ZNG1E: variants seen among roughly 807,000 people sequenced by gnomAD.
The protein encoded by ZNG1E is Zn regulated GTPase metalloprotein activator 1E.
the ZNG1E span, among the ~76,000 whole-genome samples, chr9:65,710,411 A>G: frequency 6.7e-6 from 1 of 148,716 alleles, no homozygotes; most frequent in African/African-American, 2.5e-5. Flanking sequence ...TTGGTGTTTT[A>G]GACATGAAGT....
the ZNG1E span, chr9:65,708,452 T>G: frequency 4.3e-6 from 1 of 230,284 alleles, no homozygotes; most frequent in South Asian, 5.6e-5. Flanking sequence ...CCTAATATTT[T>G]GTACATTGGT....
At chr9:65,658,099 C>CAAAA in the ZNG1E span, among the ~76,000 whole-genome samples, 13 of 47,400 alleles carry the variant, frequency 2.7e-4, no homozygotes, top group South Asian at 6.0e-4. Context: ...AACTCCGTCT[C>CAAAA]AAAAAAAAAA....
At chr9:65,663,238 C>T in the ZNG1E span, among the ~76,000 whole-genome samples, 1 of 151,868 alleles carries the variant, frequency 6.6e-6, no homozygotes, top group Non-Finnish European at 1.5e-5. Context: ...AGGAATGTAA[C>T]CCTTAACTTT....
At chr9:65,661,890 T>G in the ZNG1E span, among the ~76,000 whole-genome samples, 1 of 152,254 alleles carries the variant, frequency 6.6e-6, no homozygotes, top group African/African-American at 2.4e-5. Flanking sequence ...CTTAAATGAG[T>G]GGCTAAGTTG....
At chr9:65,663,533 C>G in the ZNG1E span, among the ~76,000 whole-genome samples, 1 of 136,416 alleles carries the variant, frequency 7.3e-6, no homozygotes, top group Admixed American at 7.8e-5. Flanking sequence ...CAAAGCCTTG[C>G]TCTTCCATGG....
chr9:65,657,969 C>T, the ZNG1E span, among the ~76,000 whole-genome samples: 2 of 152,258 alleles, frequency 1.3e-5, no homozygotes, highest in African/African-American at 4.8e-5. Flanking sequence ...CATGGCGGCT[C>T]ATTCCTGTAA....
chr9:65,669,673 G>A, the ZNG1E span, among the ~76,000 whole-genome samples: 3 of 151,054 alleles, frequency 2.0e-5, no homozygotes, highest in Non-Finnish European at 4.4e-5. Flanking sequence ...TGACTCAACT[G>A]TAAGCTAAGA....
chr9:65,662,609 C>T, the ZNG1E span, among the ~76,000 whole-genome samples: 1 of 151,704 alleles, frequency 6.6e-6, no homozygotes, highest in African/African-American at 2.4e-5. Context: ...GGGAAAACGG[C>T]AATGGATTAA....
the ZNG1E span, among the ~76,000 whole-genome samples, chr9:65,697,389 A>T: frequency 1.2e-5 from 1 of 81,986 alleles, no homozygotes; most frequent in East Asian, 3.1e-4. Context: ...TCAATTAAAA[A>T]AAAAGTCCCT....
chr9:65,663,938 C>T, the ZNG1E span, among the ~76,000 whole-genome samples: 5 of 152,180 alleles, frequency 3.3e-5, no homozygotes, highest in African/African-American at 7.2e-5. Flanking sequence ...AAACATATTG[C>T]TTCCACATAC....
chr9:65,687,917 T>C, the ZNG1E span, among the ~76,000 whole-genome samples: 1 of 151,262 alleles, frequency 6.6e-6, no homozygotes, highest in Non-Finnish European at 1.5e-5. Flanking sequence ...TAATATGCCC[T>C]TAGTTCTTCT....
chr9:65,668,192 A>G, the ZNG1E span, among the ~76,000 whole-genome samples: 5,093 of 141,246 alleles, frequency 0.036, 2 homozygotes, highest in African/African-American at 0.048. Context: ...ACATGTATGC[A>G]AATACATATA....
chr9:65,693,745 C>T, the ZNG1E span, among the ~76,000 whole-genome samples: 2 of 151,650 alleles, frequency 1.3e-5, no homozygotes, highest in Non-Finnish European at 2.9e-5. Context: ...TTAGTAGAGA[C>T]AGGATTTTAC....
At chr9:65,684,413 A>C in the ZNG1E span, among the ~76,000 whole-genome samples, 1 of 152,132 alleles carries the variant, frequency 6.6e-6, no homozygotes, top group African/African-American at 2.4e-5. Flanking sequence ...GGCGCACCCC[A>C]TAATCCCAGC....
chr9:65,695,102 AT>A, the ZNG1E span: 1 of 148,922 alleles, frequency 6.7e-6, no homozygotes, highest in East Asian at 1.6e-4. Flanking sequence ...TGTTGAAACA[AT>A]TCAGTCAGAA....
chr9:65,677,276 TTAA>T, the ZNG1E span: 1 of 1,526,724 alleles, frequency 6.5e-7, no homozygotes, highest in African/African-American at 1.4e-5. Flanking sequence ...GGAGTGAGAA[TTAA>T]TACCAGCAAC....
chr9:65,665,125 T>C, the ZNG1E span, among the ~76,000 whole-genome samples: 1 of 152,272 alleles, frequency 6.6e-6, no homozygotes, highest in South Asian at 2.1e-4. Flanking sequence ...AAATTCAAGC[T>C]GGCTGCAGAA....
chr9:65,693,181 ACTCT>A, the ZNG1E span, among the ~76,000 whole-genome samples: 3 of 151,946 alleles, frequency 2.0e-5, no homozygotes, highest in Admixed American at 2.0e-4. Flanking sequence ...TAGTAAGAAG[ACTCT>A]CTCCATTAAA....
the ZNG1E span, among the ~76,000 whole-genome samples, chr9:65,714,825 T>C: frequency 6.6e-6 from 1 of 151,966 alleles, no homozygotes; most frequent in African/African-American, 2.4e-5. Flanking sequence ...GACACTTAAG[T>C]CTGCGGAGGT....
Sources: gnomAD v4.1 joint callset for allele counts (sites outside exome capture counted in the v4.1 genomes callset) on GRCh38, gnomAD v4.1.1 for gene constraint, MANE v1.5 for transcripts, NCBI Gene and HGNC (gene_info 2026-07-23, HGNC 2026-07-21) for gene names.